The following CDK14 variants were observed in gnomAD, a reference collection of about 807,000 sequenced individuals.
The protein encoded by CDK14 is cyclin dependent kinase 14, also known as cyclin-dependent kinase 14.
In CDK14, 34 loss-of-function variants were observed where a neutral mutation model predicts 60.7. The ratio of observed to expected loss-of-function variants is 0.56; its 90% CI spans 0.43 to 0.75. The LOEUF (loss-of-function observed/expected upper bound fraction) is 0.75. CDK14 is among the 30% of genes least tolerant of loss of function. The pLI, the probability that CDK14 is intolerant of heterozygous loss-of-function variation, is 0.00. For synonymous variants in CDK14, 197 were observed against 203.7 expected (o/e 0.97, Z 0.28); for missense variants, 482 against 564.1 (o/e 0.85, Z 1.47).
chr7:90,983,378 A>G (rs1233116069), intron 9 of CDK14, among the ~76,000 whole-genome samples: 2 of 152,196 alleles, frequency 1.3e-5, no homozygotes, highest in African/African-American at 4.8e-5. Flanking sequence ...GCAGCCATAA[A>G]AAAAGAATGA....
At chr7:90,845,720 A>G (rs1194605950) in intron 5 of CDK14, among the ~76,000 whole-genome samples, 1 of 152,134 alleles carries the variant, frequency 6.6e-6, no homozygotes, top group Non-Finnish European at 1.5e-5. Flanking sequence ...CTAACCTTTT[A>G]ATAGGCATGT....
chr7:90,937,576 G>T (rs949235642), intron 8 of CDK14, among the ~76,000 whole-genome samples: 1 of 152,160 alleles, frequency 6.6e-6, no homozygotes, highest in Non-Finnish European at 1.5e-5. Context: ...ATAAAATGCT[G>T]CATAGAAAAC....
chr7:90,797,447 A>C (rs766227080), intron 5 of CDK14, among the ~76,000 whole-genome samples: 2 of 151,988 alleles, frequency 1.3e-5, no homozygotes, highest in Non-Finnish European at 2.9e-5. Context: ...ATCTCCAAAT[A>C]CAGTCCTATT....
At chr7:91,076,659 TTAAAC>T (rs1426729683) in intron 11 of CDK14, among the ~76,000 whole-genome samples, 2 of 152,138 alleles carry the variant, frequency 1.3e-5, no homozygotes, top group South Asian at 2.1e-4. Flanking sequence ...TGGGATCTAA[TTAAAC>T]TAAAGAGCTT....
chr7:91,080,063 C>G (rs964149613), intron 12 of CDK14, among the ~76,000 whole-genome samples: 1 of 152,132 alleles, frequency 6.6e-6, no homozygotes, highest in Non-Finnish European at 1.5e-5. Flanking sequence ...TTATTGCAAG[C>G]CAATGTGTTA....
At chr7:91,125,100 A>G (rs1191864993) in intron 14 of CDK14, among the ~76,000 whole-genome samples, 1 of 152,162 alleles carries the variant, frequency 6.6e-6, no homozygotes, top group Non-Finnish European at 1.5e-5. Flanking sequence ...CACAGAGGAC[A>G]ATGTCTAAAT....
intron 14 of CDK14, among the ~76,000 whole-genome samples, chr7:91,146,313 G>A (rs539271416): frequency 5.9e-5 from 9 of 152,204 alleles, no homozygotes; most frequent in South Asian, 2.1e-4. Context: ...TGATTCTCCC[G>A]CCTCAGCCTC....
intron 10 of CDK14, among the ~76,000 whole-genome samples, chr7:91,013,656 G>GTTTTTTTTTTTTTTTTTTTTT (rs56934476): frequency 1.9e-4 from 23 of 123,382 alleles, no homozygotes; most frequent in African/African-American, 2.8e-4. Context: ...CATTGCCTCT[G>GTTTTTTTTTTTTTTTTTTTTT]TTTTTTTTTT....
chr7:90,976,517 G>A (rs1393281210), intron 9 of CDK14, among the ~76,000 whole-genome samples: 1 of 151,752 alleles, frequency 6.6e-6, no homozygotes, highest in African/African-American at 2.4e-5. Flanking sequence ...GTCCCACCAT[G>A]CCTGGCAAAT....
In CDK14 at chr7:90,735,167, G is replaced by T. The variant is rs563364997; in HGVS notation, c.369+8355G>T. On this transcript the variant is annotated intron_variant, in intron 3 of 14. Transcript: ENST00000380050. ...TGCACAACAGCAAAGATTGCTGCCT[G>T]TTCCTTCGTCTGGAAGCTTCATCCC... Among the ~76,000 whole-genome samples, 15 of 152,312 alleles carry T rather than the reference G, an allele frequency of 9.8e-5. No individual in the cohort carries two copies. In the East Asian group the frequency reaches 2.9e-3, roughly 29 times the overall value.
intron 5 of CDK14, among the ~76,000 whole-genome samples, chr7:90,859,562 A>G (rs2117208138): frequency 6.6e-6 from 1 of 152,138 alleles, no homozygotes; most frequent in East Asian, 1.9e-4. Context: ...TTATTTTTTA[A>G]AAGACTTTAC....
chr7:90,913,989 G>A (rs1305428190), intron 7 of CDK14, among the ~76,000 whole-genome samples: 1 of 152,150 alleles, frequency 6.6e-6, no homozygotes, highest in East Asian at 1.9e-4. Context: ...TTGAGCTCCA[G>A]CATAAAAGTT....
At position 90,731,911 on chromosome 7, in the gene CDK14, T is replaced by C. The variant is rs149659485; in HGVS notation, c.369+5099T>C. On this transcript the variant is annotated intron_variant, in intron 3 of 14. Coordinates refer to ENST00000380050, the MANE Select transcript of CDK14 (RefSeq NM_001287135.2). Reference sequence around the variant, plus strand: ...AGGGGTGAGAGAGGGCATCCTTGTCTTGTGCCGGTTTTCAAAGGGAATGCT... The same window carrying C: ...AGGGGTGAGAGAGGGCATCCTTGTCCTGTGCCGGTTTTCAAAGGGAATGCT... Among the ~76,000 whole-genome samples, 737 of 152,142 alleles carry C rather than the reference T, an allele frequency of 4.8e-3. 3 individuals carry two copies. The highest frequency in any genetic ancestry group is 0.016 in the African/African-American group (665 of 41,394).
rs1014309398 is a variant in CDK14, at chr7:90,792,342, C to T, written c.544+1690C>T. On this transcript the variant is annotated intron_variant, in intron 5 of 14. Transcript: ENST00000380050. ...TCTTCATCTCCATTTCATATATCCACCTGCCTATTTGGCATCTTCTCTTGA... is the reference window on the plus strand; with the variant it reads ...TCTTCATCTCCATTTCATATATCCATCTGCCTATTTGGCATCTTCTCTTGA... Among the ~76,000 whole-genome samples, 3 of 152,106 alleles carry T rather than the reference C, an allele frequency of 2.0e-5. No individual in the cohort carries two copies. In the East Asian group the frequency reaches 5.8e-4, roughly 29 times the overall value.
intron 10 of CDK14, among the ~76,000 whole-genome samples, chr7:91,013,656 G>GTTTTTTTTTTTTTTT (rs56934476): frequency 8.4e-4 from 104 of 123,342 alleles, no homozygotes; most frequent in Non-Finnish European, 1.1e-3. Context: ...CATTGCCTCT[G>GTTTTTTTTTTTTTTT]TTTTTTTTTT....
rs182610307 is a variant in CDK14, at chr7:90,808,009, G to A, written c.544+17357G>A. ...TCTGATTGGTGTACCTGAAAGTGAC[G>A]AGGAGAATGGAACCAAGTTGGAAAA... On this transcript the variant is annotated intron_variant, in intron 5 of 14. Coordinates refer to ENST00000380050, the MANE Select transcript of CDK14 (RefSeq NM_001287135.2). Among the ~76,000 whole-genome samples the A allele has an allele frequency of 2.3e-3, 357 of 152,274 alleles. 1 individual carries two copies. The highest frequency in any genetic ancestry group is 8.1e-3 in the African/African-American group (338 of 41,548).
At chr7:91,154,987 G>A (rs540597581) in intron 14 of CDK14, among the ~76,000 whole-genome samples, 1 of 152,312 alleles carries the variant, frequency 6.6e-6, no homozygotes, top group African/African-American at 2.4e-5. Context: ...ATACTGAAGT[G>A]GACACAGTGG....
At chr7:91,015,935 G>A (rs1217764370) in intron 10 of CDK14, among the ~76,000 whole-genome samples, 1 of 152,140 alleles carries the variant, frequency 6.6e-6, no homozygotes, top group African/African-American at 2.4e-5. Context: ...TTTTGGGGTT[G>A]ACATGTACTA....
intron 14 of CDK14, among the ~76,000 whole-genome samples, chr7:91,176,256 C>T (rs1089815): frequency 6.6e-6 from 1 of 152,262 alleles, no homozygotes; most frequent in South Asian, 2.1e-4. Context: ...GTTCTTTGAA[C>T]GCAACGAGAG....
Sources: gnomAD v4.1 joint callset for allele counts (sites outside exome capture counted in the v4.1 genomes callset) on GRCh38, gnomAD v4.1.1 for gene constraint, MANE v1.5 for transcripts, NCBI Gene and HGNC (gene_info 2026-07-23, HGNC 2026-07-21) for gene names.